STXBP5L: variants seen among roughly 807,000 people sequenced by gnomAD.
STXBP5L encodes the protein syntaxin binding protein 5L, also known as syntaxin-binding protein 5-like.
STXBP5L carries 65 observed loss-of-function variants against 144.5 expected under a neutral mutation model. That is an observed-to-expected ratio of 0.45 (90% CI 0.37 to 0.55). The LOEUF is 0.55. Ranked by LOEUF, STXBP5L falls within the 20% of genes least tolerant of loss-of-function variation. STXBP5L has a pLI of 0.00. For synonymous variants in STXBP5L, 505 were observed against 469.6 expected (o/e 1.08, Z -0.97); for missense variants, 1,298 against 1,405.5 (o/e 0.92, Z 1.22).
At chr3:120,922,710 A>G (rs1709416725) in intron 2 of STXBP5L, among the ~76,000 whole-genome samples, 1 of 152,004 alleles carries the variant, frequency 6.6e-6, no homozygotes, top group Non-Finnish European at 1.5e-5. Context: ...TTCTGCATCT[A>G]TTAAAATGAT....
chr3:121,196,981 C>CCTTTTTTT (rs1191371194), intron 9 of STXBP5L, among the ~76,000 whole-genome samples: 2 of 152,138 alleles, frequency 1.3e-5, no homozygotes, highest in Non-Finnish European at 2.9e-5. Flanking sequence ...CTGGGCTCAG[C>CCTTTTTTT]CTTTTTTTCT....
chr3:121,329,307 T>A (rs971919570), intron 20 of STXBP5L, among the ~76,000 whole-genome samples: 2 of 152,194 alleles, frequency 1.3e-5, no homozygotes, highest in Non-Finnish European at 2.9e-5. Flanking sequence ...AAAATACAAT[T>A]CCTGCTGACC....
intron 5 of STXBP5L, among the ~76,000 whole-genome samples, chr3:121,101,341 C>G (rs990518142): frequency 7.9e-5 from 12 of 151,082 alleles, no homozygotes; most frequent in African/African-American, 2.4e-4. Flanking sequence ...CAAAAATCCT[C>G]AGCAGAATAC....
intron 23 of STXBP5L, among the ~76,000 whole-genome samples, chr3:121,409,152 G>T (rs2047061927): frequency 6.6e-6 from 1 of 151,792 alleles, no homozygotes; most frequent in African/African-American, 2.4e-5. Flanking sequence ...GTCAGGAAAT[G>T]AGATAATAAA....
chr3:121,188,654 A>G (rs373903032), intron 9 of STXBP5L, among the ~76,000 whole-genome samples: 3 of 152,206 alleles, frequency 2.0e-5, no homozygotes, highest in Admixed American at 2.0e-4. Context: ...CTGGTTCAAC[A>G]TACGCAAATC....
intron 3 of STXBP5L, among the ~76,000 whole-genome samples, chr3:120,983,443 C>G (rs1223459331): frequency 6.6e-6 from 1 of 152,066 alleles, no homozygotes; most frequent in Non-Finnish European, 1.5e-5. Flanking sequence ...GCCCTGCTTT[C>G]TCTCTGGCCT....
At position 121,419,103 on chromosome 3, in the gene STXBP5L, A is replaced by T. The variant is rs1446193221; in HGVS notation, c.*6A>T. The T allele has an allele frequency of 1.2e-6, 2 of 1,609,798 alleles. No individual in the cohort carries two copies. The highest frequency in any genetic ancestry group is 4.5e-5 in the East Asian group (2 of 44,650). The stretch of plus-strand genomic sequence containing the variant: ...AGAAATGGTACCAATTCTGACTTCT[A>T]AAGAAGCTGTGACTGCTTTGAGAAA... On this transcript the variant is annotated 3_prime_UTR_variant, in exon 27 of 27. Coordinates refer to ENST00000471454, the MANE Select transcript of STXBP5L (RefSeq NM_001308330.2).
intron 19 of STXBP5L, among the ~76,000 whole-genome samples, 169 bp from the exon 20 acceptor site, chr3:121,318,306 A>T (rs1291044221): frequency 3.3e-5 from 5 of 151,924 alleles, no homozygotes; most frequent in South Asian, 2.1e-4. Context: ...AAAATAAAAA[A>T]AAAATTAATA....
chr3:121,225,582 AC>A, intron 11 of STXBP5L, among the ~76,000 whole-genome samples: 1 of 152,094 alleles, frequency 6.6e-6, no homozygotes, highest in African/African-American at 2.4e-5. Context: ...AAGATTAGAG[AC>A]TACCACAAAT....
At chr3:121,339,170 A>G (rs2044617839) in intron 20 of STXBP5L, among the ~76,000 whole-genome samples, 1 of 152,300 alleles carries the variant, frequency 6.6e-6, no homozygotes, top group Non-Finnish European at 1.5e-5. Context: ...GAAATCTTCA[A>G]CAAAATACTA....
At chr3:120,981,074 T>A (rs915611173) in intron 3 of STXBP5L, among the ~76,000 whole-genome samples, 1 of 152,182 alleles carries the variant, frequency 6.6e-6, no homozygotes, top group Non-Finnish European at 1.5e-5. Flanking sequence ...AGAAGTCCAC[T>A]GTCAGTCTGA....
chr3:121,317,067 C>A (rs1020236857), intron 19 of STXBP5L, among the ~76,000 whole-genome samples: 11 of 152,104 alleles, frequency 7.2e-5, no homozygotes, highest in Admixed American at 1.3e-4. Flanking sequence ...AGGGTTAAGA[C>A]CGTGTTCGAC....
chr3:121,102,665 C>T (rs1251613335), intron 5 of STXBP5L, among the ~76,000 whole-genome samples: 2 of 152,068 alleles, frequency 1.3e-5, no homozygotes, highest in Admixed American at 1.3e-4. Flanking sequence ...ACTAGGTCTT[C>T]AAAAGCAATT....
At chr3:121,318,625 A>C in intron 20 of STXBP5L, 85 bp downstream of exon 20, 1 of 1,019,816 alleles carries the variant, frequency 9.8e-7, no homozygotes, top group Non-Finnish European at 1.4e-6. Context: ...ATAATGTGAA[A>C]TTTATAATTT....
At chr3:121,408,616 G>A (rs1039257802) in intron 23 of STXBP5L, among the ~76,000 whole-genome samples, 1 of 151,944 alleles carries the variant, frequency 6.6e-6, no homozygotes, top group African/African-American at 2.4e-5. Context: ...AACATGGAGA[G>A]GTAGTTTGAA....
intron 7 of STXBP5L, among the ~76,000 whole-genome samples, chr3:121,143,544 G>T (rs2045594712): frequency 6.6e-6 from 1 of 151,672 alleles, no homozygotes; most frequent in Non-Finnish European, 1.5e-5. Flanking sequence ...AACACTTTCT[G>T]ATTTTAAGCT....
chr3:120,939,397 T>C (rs1037309189), intron 2 of STXBP5L, among the ~76,000 whole-genome samples: 1 of 152,166 alleles, frequency 6.6e-6, no homozygotes, highest in African/African-American at 2.4e-5. Context: ...AAATACTGTT[T>C]CTGTAAGTAG....
In STXBP5L at chr3:120,951,798, T is replaced by G. The variant is rs1576472148; in HGVS notation, c.190-3142T>G. The stretch of plus-strand genomic sequence containing the variant: ...AATACCATTTGACCCAGCCATCCCA[T>G]TACGGGGTATATACCGAAAGGAGTA... On this transcript the variant is annotated intron_variant, in intron 2 of 26. Transcript: ENST00000471454. Among the ~76,000 whole-genome samples, 6 of 152,220 alleles carry G rather than the reference T, an allele frequency of 3.9e-5. No homozygotes were observed. The South Asian group carries it at 1.2e-3, about 32-fold the overall frequency.
At chr3:121,261,314 A>G (rs911411098) in intron 18 of STXBP5L, among the ~76,000 whole-genome samples, 6 of 152,194 alleles carry the variant, frequency 3.9e-5, no homozygotes, top group Admixed American at 1.3e-4. Context: ...ATCCTAGTTC[A>G]TGTGGCTACT....
Sources: allele counts gnomAD v4.1 joint callset (sites outside exome capture counted in the v4.1 genomes callset), GRCh38; gene constraint gnomAD v4.1.1; transcripts MANE v1.5; gene names NCBI Gene and HGNC (gene_info 2026-07-23, HGNC 2026-07-21).